PCDH15: variants seen among roughly 807,000 people sequenced by gnomAD.
PCDH15 encodes the protein protocadherin related 15, also known as protocadherin-15.
A neutral mutation model predicts 178.5 loss-of-function variants in PCDH15; 129 were observed. The ratio of observed to expected loss-of-function variants is 0.72; its 90% CI spans 0.63 to 0.84. The LOEUF (loss-of-function observed/expected upper bound fraction) is 0.84. Ranked by LOEUF, PCDH15 falls within the 40% of genes least tolerant of loss-of-function variation. The pLI is 0.00. For synonymous variants in PCDH15, 800 were observed against 732.0 expected, an observed-to-expected ratio of 1.09 and a Z score of -1.50; for missense variants, 2,230 against 2,099.9, an observed-to-expected ratio of 1.06 and a Z score of -1.21.
chr10:54,036,908 A>G (rs2135476132), intron 18 of PCDH15, among the ~76,000 whole-genome samples: 1 of 152,054 alleles, frequency 6.6e-6, no homozygotes, highest in South Asian at 2.1e-4. Flanking sequence ...AAAAATATCA[A>G]CATTAATAGA....
At chr10:55,618,011 T>C (rs985861712) in intron 2 of PCDH15, among the ~76,000 whole-genome samples, 11 of 152,040 alleles carry the variant, frequency 7.2e-5, no homozygotes, top group African/African-American at 2.4e-4. Context: ...CAAGATAAAA[T>C]ATAGTGTTTA....
chr10:54,915,653 A>G (rs999840251), intron 2 of PCDH15, among the ~76,000 whole-genome samples: 7 of 152,164 alleles, frequency 4.6e-5, no homozygotes, highest in African/African-American at 1.7e-4. Flanking sequence ...TGTAATTTGA[A>G]TAAGTTTTGA....
chr10:54,614,426 A>G (rs570465705), intron 2 of PCDH15, among the ~76,000 whole-genome samples: 14 of 152,174 alleles, frequency 9.2e-5, no homozygotes, highest in Non-Finnish European at 1.9e-4. Flanking sequence ...TTGTTGAGGC[A>G]ATATTGCTCA....
chr10:54,704,423 T>G (rs142638251), intron 1 of PCDH15, among the ~76,000 whole-genome samples: 1 of 152,048 alleles, frequency 6.6e-6, no homozygotes, highest in African/African-American at 2.4e-5. Context: ...CTGACAAAGG[T>G]CTAATATCCG....
At chr10:55,186,506 A>G (rs1265217189) in intron 1 of PCDH15, among the ~76,000 whole-genome samples, 1 of 151,692 alleles carries the variant, frequency 6.6e-6, no homozygotes, top group Non-Finnish European at 1.5e-5. Context: ...TGGACAAACT[A>G]TTAGGTGTTT....
intron 2 of PCDH15, among the ~76,000 whole-genome samples, chr10:54,647,929 C>T (rs1425567087): frequency 6.6e-6 from 1 of 151,970 alleles, no homozygotes; most frequent in Non-Finnish European, 1.5e-5. Context: ...TAAAAACAAA[C>T]AAAACAAATA....
chr10:55,014,467 GA>G (rs1166681406), intron 2 of PCDH15, among the ~76,000 whole-genome samples: 3 of 151,662 alleles, frequency 2.0e-5, no homozygotes, highest in Non-Finnish European at 4.4e-5. Flanking sequence ...AATATATAAA[GA>G]AATGATGCTT....
intron 17 of PCDH15, among the ~76,000 whole-genome samples, chr10:54,072,523 C>G (rs11004041): frequency 1.3e-5 from 2 of 151,936 alleles, no homozygotes; most frequent in African/African-American, 2.4e-5. Context: ...TTATGAATTA[C>G]GGGAAGGAGA....
intron 14 of PCDH15, among the ~76,000 whole-genome samples, chr10:54,144,037 C>T (rs2043656965): frequency 6.6e-6 from 1 of 151,608 alleles, no homozygotes; most frequent in Admixed American, 6.6e-5. Context: ...CCTGAAGCTT[C>T]TTTTGCAAGT....
intron 2 of PCDH15, chr10:54,606,728 G>A (rs1165514164): frequency 6.6e-6 from 1 of 152,032 alleles, no homozygotes; most frequent in African/African-American, 2.4e-5. Context: ...AGGGTTTTCA[G>A]ATATCATAAA....
chr10:53,912,509 T>A (rs2133788393), intron 25 of PCDH15, among the ~76,000 whole-genome samples: 1 of 152,352 alleles, frequency 6.6e-6, no homozygotes, highest in Non-Finnish European at 1.5e-5. Flanking sequence ...AAATTGTCCC[T>A]GTTTGCAGAT....
At chr10:54,796,256 A>G (rs1002150214) in intron 1 of PCDH15, among the ~76,000 whole-genome samples, 1 of 107,182 alleles carries the variant, frequency 9.3e-6, no homozygotes, top group Admixed American at 9.5e-5. Flanking sequence ...CTATCTATCT[A>G]TCTATCTATC....
At chr10:55,105,739 C>A (rs1244514446) in intron 2 of PCDH15, among the ~76,000 whole-genome samples, 1 of 151,914 alleles carries the variant, frequency 6.6e-6, no homozygotes, top group East Asian at 1.9e-4. Flanking sequence ...CAGAAGAGTG[C>A]TCTTCTGTTG....
chr10:55,106,351 G>C (rs748336566), intron 2 of PCDH15, among the ~76,000 whole-genome samples: 4 of 152,152 alleles, frequency 2.6e-5, no homozygotes, highest in Non-Finnish European at 4.4e-5. Context: ...AAATGTTTTT[G>C]ACATAAACTA....
At chr10:54,643,864 A>T (rs2094055030) in intron 2 of PCDH15, among the ~76,000 whole-genome samples, 1 of 150,098 alleles carries the variant, frequency 6.7e-6, no homozygotes, top group African/African-American at 2.5e-5. Context: ...CATGTGCACA[A>T]TGTGCAGGTT....
intron 1 of PCDH15, among the ~76,000 whole-genome samples, chr10:55,206,629 A>G (rs1308104725): frequency 6.6e-6 from 1 of 152,124 alleles, no homozygotes; most frequent in African/African-American, 2.4e-5. Context: ...TAATTAATAT[A>G]AGTGCATTTA....
At chr10:55,619,990 T>C (rs1238868401) in intron 2 of PCDH15, among the ~76,000 whole-genome samples, 1 of 152,048 alleles carries the variant, frequency 6.6e-6, no homozygotes, top group East Asian at 1.9e-4. Flanking sequence ...TGGGTAGGAG[T>C]ACTATTCCTT....
chr10:53,871,451 C>CGTGTGTGTGT (rs71461208), intron 26 of PCDH15, among the ~76,000 whole-genome samples: 14,949 of 146,738 alleles, frequency 0.1, 825 homozygotes, highest in African/African-American at 0.13. Flanking sequence ...TATATTCATA[C>CGTGTGTGTGT]GTGTGTGTGT....
intron 3 of PCDH15, among the ~76,000 whole-genome samples, chr10:54,515,901 C>G (rs930314037): frequency 6.6e-6 from 1 of 152,318 alleles, no homozygotes; most frequent in East Asian, 1.9e-4. Flanking sequence ...TGGAGGGGAC[C>G]TCTAGCAAAC....
Sources: allele counts gnomAD v4.1 joint callset (sites outside exome capture counted in the v4.1 genomes callset), GRCh38; gene constraint gnomAD v4.1.1; transcripts MANE v1.5; gene names NCBI Gene and HGNC (gene_info 2026-07-23, HGNC 2026-07-21).